Variants in NLGN1 observed in about 807,000 individuals in gnomAD.
The protein encoded by NLGN1 is neuroligin-1.
In NLGN1, 12 loss-of-function variants were observed where a neutral mutation model predicts 65.5. That is an observed-to-expected ratio of 0.18 (90% CI 0.12 to 0.30). The LOEUF (loss-of-function observed/expected upper bound fraction) is 0.30. NLGN1 is among the 10% of genes least tolerant of loss of function. NLGN1 has a pLI of 1.00. For synonymous variants in NLGN1, 350 were observed against 359.5 expected, an observed-to-expected ratio of 0.97 and a Z score of 0.30; for missense variants, 750 against 1,007.1, an observed-to-expected ratio of 0.74 and a Z score of 3.46.
At chr3:173,663,963 T>C (rs1306756420) in intron 3 of NLGN1, among the ~76,000 whole-genome samples, 1 of 151,958 alleles carries the variant, frequency 6.6e-6, no homozygotes, top group African/African-American at 2.4e-5. Context: ...TTCTTAGGTG[T>C]TTTTCCCCTT....
intron 1 of NLGN1, among the ~76,000 whole-genome samples, chr3:173,433,206 C>T (rs920210917): frequency 6.6e-6 from 1 of 152,194 alleles, no homozygotes; most frequent in African/African-American, 2.4e-5. Flanking sequence ...CAGATGTCCT[C>T]CGCACCCCAC....
At chr3:174,255,550 A>G (rs1032034657) in intron 4 of NLGN1, among the ~76,000 whole-genome samples, 1 of 151,908 alleles carries the variant, frequency 6.6e-6, no homozygotes, top group Non-Finnish European at 1.5e-5. Context: ...GACTGCAAAG[A>G]CTAGAATATT....
intron 4 of NLGN1, among the ~76,000 whole-genome samples, chr3:173,931,966 T>C (rs936274263): frequency 6.6e-6 from 1 of 152,170 alleles, no homozygotes; most frequent in African/African-American, 2.4e-5. Context: ...AAAAGCAGAA[T>C]TAAGATGACT....
At chr3:173,532,209 C>T (rs929598865) in intron 2 of NLGN1, among the ~76,000 whole-genome samples, 2 of 152,126 alleles carry the variant, frequency 1.3e-5, no homozygotes, top group Non-Finnish European at 2.9e-5. Flanking sequence ...TCTTCATTTG[C>T]TATATACATC....
intron 4 of NLGN1, among the ~76,000 whole-genome samples, chr3:173,981,689 A>G (rs1408241548): frequency 6.6e-6 from 1 of 152,228 alleles, no homozygotes; most frequent in East Asian, 1.9e-4. Flanking sequence ...TCTTATACCT[A>G]TATAATAGTG....
At chr3:173,865,450 G>A (rs1032586729) in intron 4 of NLGN1, among the ~76,000 whole-genome samples, 7 of 152,078 alleles carry the variant, frequency 4.6e-5, no homozygotes, top group Admixed American at 1.3e-4. Context: ...ATTGGACATA[G>A]TATGTGTTAG....
intron 1 of NLGN1, among the ~76,000 whole-genome samples, chr3:173,420,810 T>G (rs964957634): frequency 6.6e-6 from 1 of 152,238 alleles, no homozygotes. Context: ...AGAGCCTATC[T>G]TTCCACACTA....
chr3:173,874,164 G>A (rs1731693872), intron 4 of NLGN1, among the ~76,000 whole-genome samples: 1 of 152,144 alleles, frequency 6.6e-6, no homozygotes, highest in Admixed American at 6.5e-5. Flanking sequence ...TGTTATGGCA[G>A]CACTATCAGA....
At chr3:173,536,632 T>C (rs1489601718) in intron 2 of NLGN1, among the ~76,000 whole-genome samples, 1 of 152,208 alleles carries the variant, frequency 6.6e-6, no homozygotes, top group Admixed American at 6.5e-5. Flanking sequence ...TTTATCTTAA[T>C]GGTTTTAATT....
At chr3:173,621,201 A>G (rs1461795398) in intron 3 of NLGN1, among the ~76,000 whole-genome samples, 2 of 152,154 alleles carry the variant, frequency 1.3e-5, no homozygotes, top group East Asian at 3.9e-4. Context: ...ATTAAGGAGG[A>G]AGAAATGTTA....
chr3:173,924,014 TC>T (rs1742541175), intron 4 of NLGN1, among the ~76,000 whole-genome samples: 2 of 152,118 alleles, frequency 1.3e-5, no homozygotes, highest in Non-Finnish European at 1.5e-5. Context: ...AAGCATAAAA[TC>T]TATGTTTAAT....
intron 3 of NLGN1, among the ~76,000 whole-genome samples, chr3:173,718,903 A>T: frequency 6.6e-6 from 1 of 152,278 alleles, no homozygotes; most frequent in Non-Finnish European, 1.5e-5. Flanking sequence ...AATGTGAAAA[A>T]TTTTCTTGAA....
chr3:174,035,227 A>G (rs572412696), intron 4 of NLGN1, among the ~76,000 whole-genome samples: 2 of 152,330 alleles, frequency 1.3e-5, no homozygotes, highest in East Asian at 3.9e-4. Context: ...ATTATGAATT[A>G]GTCTCCTTTT....
chr3:173,988,598 A>T (rs1407270339), intron 4 of NLGN1, among the ~76,000 whole-genome samples: 1 of 152,146 alleles, frequency 6.6e-6, no homozygotes, highest in African/African-American at 2.4e-5. Context: ...ACTTCTAAGG[A>T]ATACTGTTTG....
At chr3:174,088,118 A>G (rs757303357) in intron 4 of NLGN1, among the ~76,000 whole-genome samples, 7 of 152,220 alleles carry the variant, frequency 4.6e-5, no homozygotes, top group Non-Finnish European at 8.8e-5. Flanking sequence ...AATATCATAG[A>G]ATAATAATAA....
At chr3:173,852,235 A>G (rs1305414157) in intron 4 of NLGN1, among the ~76,000 whole-genome samples, 1 of 150,782 alleles carries the variant, frequency 6.6e-6, no homozygotes, top group Non-Finnish European at 1.5e-5. Context: ...GGGCGCCTGT[A>G]GTCCCAGCTA....
At chr3:173,527,649 G>A (rs541531671) in intron 2 of NLGN1, among the ~76,000 whole-genome samples, 37 of 152,202 alleles carry the variant, frequency 2.4e-4, no homozygotes, top group African/African-American at 8.2e-4. Flanking sequence ...TGCCCGCCTC[G>A]GCCTCCCAAA....
At chr3:173,420,328 T>C (rs1714792766) in intron 1 of NLGN1, among the ~76,000 whole-genome samples, 1 of 138,062 alleles carries the variant, frequency 7.2e-6, no homozygotes. Flanking sequence ...CATGCGGTGT[T>C]TGGTTTTTTT....
intron 4 of NLGN1, among the ~76,000 whole-genome samples, chr3:173,989,882 C>T (rs188080338): frequency 1.1e-4 from 17 of 152,230 alleles, no homozygotes; most frequent in Middle Eastern, 3.4e-3. Flanking sequence ...TCAGAGCACT[C>T]TCTTATCAGA....
Sources: gnomAD v4.1 joint callset for allele counts (sites outside exome capture counted in the v4.1 genomes callset) on GRCh38, gnomAD v4.1.1 for gene constraint, MANE v1.5 for transcripts, NCBI Gene and HGNC (gene_info 2026-07-23, HGNC 2026-07-21) for gene names.